The following SAMMSON variants were observed in gnomAD, a reference collection of about 807,000 sequenced individuals.
SAMMSON encodes the protein survival associated mitochondrial melanoma specific oncogenic non-coding RNA, also known as long intergenic non-protein coding RNA 1212.
At chr3:70,389,303 T>C (rs989187444) in intron 9 of SAMMSON, among the ~76,000 whole-genome samples, 1 of 152,168 alleles carries the variant, frequency 6.6e-6, no homozygotes, top group Non-Finnish European at 1.5e-5. Flanking sequence ...TGAAATCTTA[T>C]AAATCTCAAA....
chr3:70,266,563 T>C (rs751252806), intron 6 of SAMMSON, among the ~76,000 whole-genome samples: 6 of 152,106 alleles, frequency 3.9e-5, no homozygotes, highest in Non-Finnish European at 5.9e-5. Context: ...TAGCTGGGAC[T>C]ACAGGCACAC....
chr3:70,096,962 C>T (rs375524420), intron 4 of SAMMSON, among the ~76,000 whole-genome samples: 7 of 152,150 alleles, frequency 4.6e-5, no homozygotes, highest in South Asian at 2.1e-4. Context: ...AATACAAATA[C>T]GACCTGTGAT....
chr3:70,071,924 T>C (rs2067231591), intron 4 of SAMMSON: 1 of 152,040 alleles, frequency 6.6e-6, no homozygotes, highest in African/African-American at 2.4e-5. Context: ...TGGCTTTTTT[T>C]TTCCTTCTTC....
intron 2 of SAMMSON, among the ~76,000 whole-genome samples, chr3:70,407,539 C>G (rs1255563573): frequency 6.6e-6 from 1 of 152,184 alleles, no homozygotes; most frequent in African/African-American, 2.4e-5. Flanking sequence ...TCCTGTGGGG[C>G]AGTCAAATTT....
chr3:70,015,998 G>A (rs1280964541), intron 3 of SAMMSON, among the ~76,000 whole-genome samples: 3 of 152,148 alleles, frequency 2.0e-5, no homozygotes, highest in African/African-American at 7.2e-5. Context: ...AGTCTTTGCT[G>A]TTGTGAATAG....
chr3:70,293,483 C>T (rs1360734033), intron 7 of SAMMSON, among the ~76,000 whole-genome samples: 3 of 151,916 alleles, frequency 2.0e-5, no homozygotes, highest in Non-Finnish European at 2.9e-5. Flanking sequence ...AAATCACAGG[C>T]GATGCTGATC....
intron 7 of SAMMSON, among the ~76,000 whole-genome samples, chr3:70,343,873 A>AT (rs1004020644): frequency 5.1e-4 from 77 of 150,336 alleles, no homozygotes; most frequent in Non-Finnish European, 9.3e-4. Flanking sequence ...AAAACCATAG[A>AT]TTTTTGTTTC....
chr3:70,125,327 A>G (rs1296332380), intron 4 of SAMMSON: 4 of 1,412,952 alleles, frequency 2.8e-6, no homozygotes, highest in African/African-American at 1.4e-5. Flanking sequence ...CTTTTCTTGA[A>G]CATGTTTAGC....
chr3:70,293,769 A>G (rs1702264199), intron 7 of SAMMSON, among the ~76,000 whole-genome samples: 1 of 152,048 alleles, frequency 6.6e-6, no homozygotes, highest in South Asian at 2.1e-4. Context: ...AAATATAACA[A>G]TGAGTATCTG....
chr3:70,274,659 T>C (rs537796166), intron 6 of SAMMSON, among the ~76,000 whole-genome samples: 2 of 152,238 alleles, frequency 1.3e-5, no homozygotes, highest in African/African-American at 2.4e-5. Flanking sequence ...GAGAGCTTAA[T>C]ACCTAGGTGA....
At chr3:70,403,525 C>T (rs79550089) in intron 2 of SAMMSON, among the ~76,000 whole-genome samples, 1,939 of 152,226 alleles carry the variant, frequency 0.013, 46 homozygotes, top group African/African-American at 0.044. Flanking sequence ...AACTATGACT[C>T]GCAGTCTCAA....
At chr3:70,119,239 A>C (rs9853962) in intron 4 of SAMMSON, among the ~76,000 whole-genome samples, 2 of 151,700 alleles carry the variant, frequency 1.3e-5, no homozygotes, top group Non-Finnish European at 2.9e-5. Context: ...GCTAATTTTT[A>C]TATTTTTAGT....
In SAMMSON at chr3:70,381,562, C is replaced by G. The variant is rs933538690; in HGVS notation, n.914-8012C>G. Among the ~76,000 whole-genome samples, 5 of 152,220 alleles carry G rather than the reference C, an allele frequency of 3.3e-5. No individual in the cohort carries two copies. In the East Asian group the frequency reaches 9.7e-4, roughly 29 times the overall value. ...CTGTCATATTAATAAATGAGACAAC[C>G]AGATTTTATGTGCTTCCTGATGTGA... On this transcript the variant is annotated intron_variant and non_coding_transcript_variant, in intron 9 of 9. Coordinates refer to ENST00000642114, the Ensembl canonical transcript of SAMMSON.
At chr3:70,183,861 G>A (rs971752255) in intron 4 of SAMMSON, 2 of 152,286 alleles carry the variant, frequency 1.3e-5, no homozygotes, top group East Asian at 3.9e-4. Flanking sequence ...GAGAGATGGC[G>A]AGATAGAGGA....
At chr3:70,252,391 G>A (rs968967523) in intron 6 of SAMMSON, among the ~76,000 whole-genome samples, 1 of 152,202 alleles carries the variant, frequency 6.6e-6, no homozygotes, top group Non-Finnish European at 1.5e-5. Flanking sequence ...AGACAATTGG[G>A]TGTTGGGGAG....
intron 4 of SAMMSON, among the ~76,000 whole-genome samples, chr3:70,124,789 C>T (rs866412027): frequency 1.0e-4 from 13 of 124,030 alleles, no homozygotes; most frequent in South Asian, 2.6e-4. Flanking sequence ...CACTCCAGCC[C>T]AGGCAACAGA....
chr3:70,124,057 C>T (rs2067445796), intron 4 of SAMMSON, among the ~76,000 whole-genome samples: 1 of 152,148 alleles, frequency 6.6e-6, no homozygotes, highest in African/African-American at 2.4e-5. Flanking sequence ...AACTGGGTAC[C>T]CTGGGGAAGT....
At chr3:70,098,241 TG>T (rs961930292) in intron 4 of SAMMSON, among the ~76,000 whole-genome samples, 2 of 152,216 alleles carry the variant, frequency 1.3e-5, no homozygotes, top group African/African-American at 4.8e-5. Flanking sequence ...GTAGGGTTTG[TG>T]TGTCGTTTCA....
At chr3:70,221,675 A>G (rs1472562839) in intron 4 of SAMMSON, among the ~76,000 whole-genome samples, 1 of 152,176 alleles carries the variant, frequency 6.6e-6, no homozygotes, top group Non-Finnish European at 1.5e-5. Flanking sequence ...TGACTGGTCA[A>G]TGATGCCAAG....
Sources: gnomAD v4.1 joint callset for allele counts (sites outside exome capture counted in the v4.1 genomes callset) on GRCh38, gnomAD v4.1.1 for gene constraint, MANE v1.5 for transcripts, NCBI Gene and HGNC (gene_info 2026-07-23, HGNC 2026-07-21) for gene names.